SERPINI1: variants seen among roughly 807,000 people sequenced by gnomAD.
SERPINI1 encodes neuroserpin.
SERPINI1 carries 19 observed loss-of-function variants against 41.1 expected under a neutral mutation model. That is an observed-to-expected ratio of 0.46 (90% CI 0.32 to 0.68). The LOEUF is 0.68. SERPINI1 is among the 30% of genes least tolerant of loss of function. SERPINI1 has a pLI of 0.03. For missense variants in SERPINI1, 460 were observed against 479.2 expected (o/e 0.96, Z 0.37); for synonymous variants, 138 against 156.6 (o/e 0.88, Z 0.89).
intron 1 of SERPINI1, among the ~76,000 whole-genome samples, chr3:167,746,392 A>G (rs1315212984): frequency 1.3e-5 from 2 of 152,204 alleles, no homozygotes; most frequent in Non-Finnish European, 2.9e-5. Context: ...CACCAAAAGT[A>G]CAAGAGACAT....
intron 1 of SERPINI1, among the ~76,000 whole-genome samples, chr3:167,766,158 C>G (rs1024355259): frequency 6.7e-6 from 1 of 150,000 alleles, no homozygotes; most frequent in South Asian, 2.1e-4. Context: ...CTACTGGTAC[C>G]AATTTACTGT....
intron 6 of SERPINI1, among the ~76,000 whole-genome samples, chr3:167,807,870 AC>A (rs1230741132): frequency 6.6e-6 from 1 of 152,112 alleles, no homozygotes; most frequent in Non-Finnish European, 1.5e-5. Context: ...TAATCCTAGT[AC>A]TTTGGGAGGC....
chr3:167,822,926 G>A, intron 6 of SERPINI1, 60 bp from the exon 7 acceptor site: 2 of 937,576 alleles, frequency 2.1e-6, no homozygotes, highest in East Asian at 2.4e-5. Flanking sequence ...TTTAACAAAA[G>A]GGCAAAATAT....
chr3:167,767,436 T>C (rs576468079), intron 1 of SERPINI1, among the ~76,000 whole-genome samples: 1 of 152,328 alleles, frequency 6.6e-6, no homozygotes, highest in African/African-American at 2.4e-5. Flanking sequence ...TCTTCATGCC[T>C]ACTAACCTGG....
chr3:167,771,446 A>T (rs528004458), intron 1 of SERPINI1, among the ~76,000 whole-genome samples: 1 of 152,320 alleles, frequency 6.6e-6, no homozygotes, highest in East Asian at 1.9e-4. Flanking sequence ...TTATTTCTGT[A>T]AGAAAAGGGA....
At chr3:167,762,616 C>T (rs538401752) in intron 1 of SERPINI1, among the ~76,000 whole-genome samples, 4 of 152,148 alleles carry the variant, frequency 2.6e-5, no homozygotes, top group African/African-American at 4.8e-5. Context: ...TAATCCCTGG[C>T]TTCTGACCCT....
chr3:167,744,830 A>G (rs1457590388), intron 1 of SERPINI1, among the ~76,000 whole-genome samples: 1 of 108,270 alleles, frequency 9.2e-6, no homozygotes, highest in Non-Finnish European at 1.9e-5. Context: ...TATATATAAT[A>G]TATATATTAT....
intron 1 of SERPINI1, among the ~76,000 whole-genome samples, chr3:167,757,850 C>T (rs559359461): frequency 5.9e-5 from 9 of 152,132 alleles, no homozygotes; most frequent in Admixed American, 2.6e-4. Context: ...ACCCAGGAGG[C>T]GGAGATTGCA....
At chr3:167,791,693 T>C (rs1382510716) in intron 3 of SERPINI1, among the ~76,000 whole-genome samples, 1 of 152,226 alleles carries the variant, frequency 6.6e-6, no homozygotes, top group African/African-American at 2.4e-5. Context: ...TGATAAACAC[T>C]AATACATCAT....
rs544960706 is a variant in SERPINI1, at chr3:167,746,390, G to C, written c.-19+10567G>C. ...TAGTTTCTTAGATATGACACCAAAA[G>C]TACAAGAGACATAATAAAAACAAAT... On this transcript the variant is annotated intron_variant, in intron 1 of 8. Transcript: ENST00000446050. 2.6e-5 allele frequency among the ~76,000 whole-genome samples: 4 copies of C among 152,162 alleles called. No individual in the cohort carries two copies. The South Asian group carries it at 8.3e-4, about 32-fold the overall frequency.
chr3:167,744,609 A>G (rs929166384), intron 1 of SERPINI1, among the ~76,000 whole-genome samples: 2 of 140,072 alleles, frequency 1.4e-5, no homozygotes, highest in African/African-American at 5.3e-5. Context: ...TATTTTTTAT[A>G]TATATAACTA....
rs79230943 is a variant in SERPINI1 at position 167,795,869 on chromosome 3, T to C, written c.881+1045T>C. 6.5e-3 allele frequency among the ~76,000 whole-genome samples: 986 copies of C among 152,258 alleles called. 4 individuals are homozygous for C. The highest frequency in any genetic ancestry group is 0.01 in the Middle Eastern group (3 of 294). ...TAGGAAAACTAGGCCAGTAAACACG[T>C]AGAACATGTTTATTAGCATACTATG... On this transcript the variant is annotated intron_variant, in intron 5 of 8. Transcript: ENST00000446050.
rs1173149137 is a variant in SERPINI1 at position 167,822,047 on chromosome 3, C to T, written c.980-939C>T. ...ACTCAAAGTCTACCAATGTCAATCTCGTCTAAAAGCACTGTTATAGAAACA... is the reference window on the plus strand; with the variant it reads ...ACTCAAAGTCTACCAATGTCAATCTTGTCTAAAAGCACTGTTATAGAAACA... On this transcript the variant is annotated intron_variant, in intron 6 of 8. Transcript: ENST00000446050. Among the ~76,000 whole-genome samples the T allele has an allele frequency of 2.6e-5, 4 of 152,164 alleles. No individual in the cohort carries two copies. The South Asian group carries it at 6.2e-4, about 24-fold the overall frequency.
chr3:167,787,511 G>GC (rs1233031494), intron 1 of SERPINI1, among the ~76,000 whole-genome samples: 4 of 152,282 alleles, frequency 2.6e-5, no homozygotes, highest in South Asian at 2.1e-4. Context: ...AGCAGTGGCA[G>GC]CCCCCCAACG....
intron 5 of SERPINI1, among the ~76,000 whole-genome samples, chr3:167,799,504 C>T (rs1386985687): frequency 2.6e-5 from 4 of 152,144 alleles, no homozygotes; most frequent in East Asian, 3.9e-4. Flanking sequence ...AATAAACATA[C>T]GTGTGTGTGT....
intron 1 of SERPINI1, among the ~76,000 whole-genome samples, chr3:167,751,766 A>G (rs947583696): frequency 2.0e-5 from 3 of 151,936 alleles, no homozygotes; most frequent in African/African-American, 7.3e-5. Flanking sequence ...TACGGTATCT[A>G]GTATCTTTTT....
At chr3:167,764,880 T>C (rs999884458) in intron 1 of SERPINI1, among the ~76,000 whole-genome samples, 4 of 152,190 alleles carry the variant, frequency 2.6e-5, no homozygotes, top group African/African-American at 9.7e-5. Context: ...AAGTCTGAAA[T>C]CCAGCAGGGC....
intron 4 of SERPINI1, among the ~76,000 whole-genome samples, chr3:167,794,127 G>A (rs1727634109): frequency 1.3e-5 from 2 of 151,964 alleles, no homozygotes; most frequent in Admixed American, 6.6e-5. Flanking sequence ...TTGGAGCCAA[G>A]GCTTTATTTT....
chr3:167,804,365 C>T (rs1711548218), intron 5 of SERPINI1, among the ~76,000 whole-genome samples: 3 of 152,246 alleles, frequency 2.0e-5, no homozygotes, highest in African/African-American at 7.2e-5. Flanking sequence ...GCTAATGAAA[C>T]TTTTTGTTGA....
Sources: allele counts gnomAD v4.1 joint callset (sites outside exome capture counted in the v4.1 genomes callset), GRCh38; gene constraint gnomAD v4.1.1; transcripts MANE v1.5; gene names NCBI Gene and HGNC (gene_info 2026-07-23, HGNC 2026-07-21).